EML4: variants seen among roughly 807,000 people sequenced by gnomAD.
EML4 encodes echinoderm microtubule-associated protein-like 4.
EML4 carries 72 observed loss-of-function variants against 129.0 expected under a neutral mutation model. The ratio of observed to expected loss-of-function variants is 0.56; its 90% confidence interval spans 0.46 to 0.68. The LOEUF is 0.68. Among genes scored for constraint, EML4 ranks in the 30% least tolerant of loss-of-function variants. EML4 has a pLI of 0.00. For missense variants in EML4, 1,363 were observed against 1,190.6 expected (o/e 1.14, Z -2.13); for synonymous variants, 532 against 405.0 (o/e 1.31, Z -3.77).
intron 1 of EML4, among the ~76,000 whole-genome samples, chr2:42,189,817 T>C (rs532082845): frequency 1.3e-4 from 20 of 152,344 alleles, no homozygotes; most frequent in Admixed American, 3.9e-4. Flanking sequence ...TGTTCTCTTA[T>C]GTTGAATACT....
chr2:42,286,120 A>G (rs1667294377), intron 9 of EML4, 149 bp from the exon 10 acceptor site: 1 of 676,772 alleles, frequency 1.5e-6, no homozygotes, highest in African/African-American at 1.8e-5. Context: ...ATACCTACTT[A>G]AGATTCATTT....
At chr2:42,169,899 A>T in intron 1 of EML4, 8 of 369,944 alleles carry the variant, frequency 2.2e-5, no homozygotes, top group South Asian at 1.0e-4. Flanking sequence ...CAAAGTGGGA[A>T]CCCCTTCCTT....
At chr2:42,304,694 A>G (rs927432540) in intron 17 of EML4, 143 bp downstream of exon 17, 5 of 666,156 alleles carry the variant, frequency 7.5e-6, no homozygotes, top group Non-Finnish European at 1.3e-5. Context: ...TTGTATATTC[A>G]TAGAATTCAA....
At chr2:42,264,316 C>T (rs1188602558) in intron 5 of EML4, among the ~76,000 whole-genome samples, 2 of 151,892 alleles carry the variant, frequency 1.3e-5, no homozygotes, top group Non-Finnish European at 2.9e-5. Context: ...CAGGGTTTTG[C>T]CATGTTGCCC....
chr2:42,249,469 A>G (rs979622490), intron 2 of EML4, among the ~76,000 whole-genome samples: 8 of 152,184 alleles, frequency 5.3e-5, no homozygotes, highest in Non-Finnish European at 1.2e-4. Context: ...GCTGTGGTTC[A>G]AAGGACAAGT....
At chr2:42,181,327 C>T (rs910510477) in intron 1 of EML4, among the ~76,000 whole-genome samples, 14 of 152,062 alleles carry the variant, frequency 9.2e-5, no homozygotes, top group African/African-American at 2.7e-4. Context: ...GAGACAGGGT[C>T]TCACTCTATT....
intron 1 of EML4, among the ~76,000 whole-genome samples, chr2:42,187,072 C>A (rs1027136076): frequency 2.7e-5 from 4 of 150,612 alleles, no homozygotes; most frequent in African/African-American, 9.8e-5. Flanking sequence ...GGGACAGGGT[C>A]TTGCTCTGTT....
In EML4 at chr2:42,325,639, T is replaced by TATATATGC. The variant is rs1483325772; in HGVS notation, c.2242+85_2242+86insATATATGC. On this transcript the variant is annotated intron_variant, in intron 20 of 22. Transcript: ENST00000318522. ...ATATATATATATATATATATATATA[T>TATATATGC]GCTAAGATGTGTCTGTCAGGGGCGC... 14 of 197,944 alleles carry TATATATGC rather than the reference T, an allele frequency of 7.1e-5. No homozygotes were observed. In the East Asian group the frequency reaches 9.5e-4, roughly 13 times the overall value. 12.3% of individuals were successfully genotyped at this position (197,944 alleles called of 1,614,324 possible). A position where few individuals can be genotyped will look rare whatever the true frequency, so the allele number is the denominator to read the frequency against.
Position 42,169,597 on chromosome 2 carries a change from C to A in EML4, c.-15C>A, listed in dbSNP as rs750735791. ...CCGCCCCTCTAAGCCCGGAGCCCGG[C>A]GCTTTCCCCGCAAGATGGACGGTTT... On this transcript the variant is annotated 5_prime_UTR_variant, in exon 1 of 23. Coordinates refer to ENST00000318522, the MANE Select transcript of EML4 (RefSeq NM_019063.5). 1 of 1,598,530 alleles carries A rather than the reference C, an allele frequency of 6.3e-7. No individual in the cohort carries two copies. The highest frequency in any genetic ancestry group is 1.1e-5 in the South Asian group (1 of 90,066).
chr2:42,279,220 C>T (rs1666864038), intron 6 of EML4, among the ~76,000 whole-genome samples: 1 of 152,114 alleles, frequency 6.6e-6, no homozygotes, highest in African/African-American at 2.4e-5. Flanking sequence ...GTTGTTTCCA[C>T]ATCTTGGCTA....
At chr2:42,186,917 A>T (rs952988815) in intron 1 of EML4, among the ~76,000 whole-genome samples, 1 of 152,124 alleles carries the variant, frequency 6.6e-6, no homozygotes, top group Admixed American at 6.5e-5. Flanking sequence ...GAACATTTTC[A>T]TTACCAAAAA....
At chr2:42,241,895 A>G (rs1485279817) in intron 1 of EML4, among the ~76,000 whole-genome samples, 2 of 151,562 alleles carry the variant, frequency 1.3e-5, no homozygotes, top group Admixed American at 1.3e-4. Flanking sequence ...AGCTGAGGTA[A>G]TAAATATGAA....
At chr2:42,182,131 T>TC (rs1670980836) in intron 1 of EML4, among the ~76,000 whole-genome samples, 1 of 150,390 alleles carries the variant, frequency 6.6e-6, no homozygotes, top group African/African-American at 2.4e-5. Flanking sequence ...GTTTCTTTTT[T>TC]TTTTTTTTTT....
intron 1 of EML4, chr2:42,208,226 T>C (rs1421961986): frequency 6.6e-6 from 1 of 152,166 alleles, no homozygotes; most frequent in African/African-American, 2.4e-5. Context: ...AGAGTGAGTA[T>C]TCAGATTTTG....
rs1669113829 is a variant in EML4 at position 42,314,265 on chromosome 2, A to G, written c.1968-1697A>G. Among the ~76,000 whole-genome samples, 4 of 152,024 alleles carry G rather than the reference A, an allele frequency of 2.6e-5. No homozygotes were observed. In the South Asian group the frequency reaches 8.3e-4, roughly 32 times the overall value. On this transcript the variant is annotated intron_variant, in intron 17 of 22. Transcript: ENST00000318522. ...TCCCAGCTACTCGAGAGACTGAGGC[A>G]TGAGAATCGCTTGAACCCAGGAGGC...
intron 11 of EML4, among the ~76,000 whole-genome samples, chr2:42,293,073 C>G (rs1186625942): frequency 6.6e-6 from 1 of 151,930 alleles, no homozygotes; most frequent in East Asian, 1.9e-4. Context: ...TGGAAAATTA[C>G]GTAACAAGCA....
At chr2:42,187,820 T>A (rs972498370) in intron 1 of EML4, among the ~76,000 whole-genome samples, 1 of 152,130 alleles carries the variant, frequency 6.6e-6, no homozygotes, top group African/African-American at 2.4e-5. Flanking sequence ...AGAGTGAAAG[T>A]TTTTTAGTTT....
At chr2:42,273,757 A>T (rs1449051509) in intron 6 of EML4, among the ~76,000 whole-genome samples, 1 of 152,174 alleles carries the variant, frequency 6.6e-6, no homozygotes, top group Non-Finnish European at 1.5e-5. Context: ...AAATTTTTTA[A>T]ATCTGTGAAA....
At chr2:42,257,559 G>T (rs1272680172) in intron 3 of EML4, among the ~76,000 whole-genome samples, 5 of 152,184 alleles carry the variant, frequency 3.3e-5, no homozygotes, top group African/African-American at 1.2e-4. Flanking sequence ...CTAGAGGCCG[G>T]GCACGGTGGC....
Sources: allele counts gnomAD v4.1 joint callset (sites outside exome capture counted in the v4.1 genomes callset), GRCh38; gene constraint gnomAD v4.1.1; transcripts MANE v1.5; gene names NCBI Gene and HGNC (gene_info 2026-07-23, HGNC 2026-07-21).